The following DNAJC12 variants were observed in gnomAD, a reference collection of about 807,000 sequenced individuals.
DNAJC12 encodes the protein DnaJ heat shock protein family (Hsp40) member C12.
In DNAJC12, 25 loss-of-function variants were observed where a neutral mutation model predicts 28.5. That is an observed-to-expected ratio of 0.88 (90% CI 0.64 to 1.22). The LOEUF (loss-of-function observed/expected upper bound fraction) is 1.22. Among genes scored for constraint, DNAJC12 ranks in the 50% most tolerant of loss-of-function variants. DNAJC12 has a pLI of 0.00. For missense variants in DNAJC12, 222 were observed against 231.7 expected (o/e 0.96, Z 0.27); for synonymous variants, 77 against 80.6 (o/e 0.95, Z 0.24).
intron 4 of DNAJC12, among the ~76,000 whole-genome samples, chr10:67,798,039 C>CAAAAAA (rs759359409): frequency 2.7e-4 from 33 of 124,452 alleles, no homozygotes; most frequent in African/African-American, 3.6e-4. Context: ...GATTCTGTCT[C>CAAAAAA]AGAAAAAAAA....
chr10:67,814,063 A>T (rs1841890007), intron 2 of DNAJC12, among the ~76,000 whole-genome samples: 1 of 152,060 alleles, frequency 6.6e-6, no homozygotes, highest in Non-Finnish European at 1.5e-5. Context: ...CTTGAAAAAA[A>T]TAAGAGCAAA....
intron 1 of DNAJC12, among the ~76,000 whole-genome samples, chr10:67,824,032 T>C (rs1842006141): frequency 6.6e-6 from 1 of 152,026 alleles, no homozygotes; most frequent in Admixed American, 6.6e-5. Flanking sequence ...GGTTAGGAGT[T>C]CGAGGCCAGC....
intron 4 of DNAJC12, among the ~76,000 whole-genome samples, chr10:67,799,107 T>A (rs1360404221): frequency 1.3e-5 from 2 of 152,182 alleles, no homozygotes; most frequent in Non-Finnish European, 2.9e-5. Context: ...CTGTACTTTC[T>A]TATTTTTCTG....
At chr10:67,824,548 C>G (rs1015179362) in intron 1 of DNAJC12, among the ~76,000 whole-genome samples, 4 of 152,004 alleles carry the variant, frequency 2.6e-5, no homozygotes, top group Admixed American at 6.6e-5. Context: ...CCAGCCCAAA[C>G]TAAAATGAGA....
At chr10:67,806,408 C>T (rs1841800925) in intron 3 of DNAJC12, among the ~76,000 whole-genome samples, 1 of 152,178 alleles carries the variant, frequency 6.6e-6, no homozygotes, top group Non-Finnish European at 1.5e-5. Flanking sequence ...AAAGAAGTGT[C>T]ATCCTGAATC....
intron 1 of DNAJC12, among the ~76,000 whole-genome samples, chr10:67,835,956 A>C (rs983152284): frequency 6.6e-6 from 1 of 152,150 alleles, no homozygotes; most frequent in African/African-American, 2.4e-5. Flanking sequence ...TCCAAAATGA[A>C]TCCTCCTTCT....
intron 1 of DNAJC12, among the ~76,000 whole-genome samples, chr10:67,824,707 T>C (rs1188180928): frequency 6.6e-6 from 1 of 151,806 alleles, no homozygotes; most frequent in Admixed American, 6.6e-5. Context: ...TCTGACTGCT[T>C]GGTTTTATTT....
intron 4 of DNAJC12, among the ~76,000 whole-genome samples, chr10:67,798,887 T>C (rs973158090): frequency 2.0e-5 from 3 of 150,058 alleles, no homozygotes; most frequent in East Asian, 2.0e-4. Flanking sequence ...TGCCTCAGCC[T>C]CCCGAGTGCT....
intron 3 of DNAJC12, among the ~76,000 whole-genome samples, chr10:67,810,138 C>G (rs939724509): frequency 1.3e-5 from 2 of 152,016 alleles, no homozygotes; most frequent in African/African-American, 2.4e-5. Context: ...GAAGAAAGGG[C>G]CTTCTTCTCA....
intron 1 of DNAJC12, chr10:67,825,713 A>C (rs1043531943): frequency 6.6e-6 from 1 of 152,304 alleles, no homozygotes; most frequent in Non-Finnish European, 1.5e-5. Flanking sequence ...CACTTTTACA[A>C]TCAAAGTCAG....
intron 4 of DNAJC12, among the ~76,000 whole-genome samples, chr10:67,804,222 TAGCC>T (rs200677354): frequency 0.023 from 3,452 of 152,290 alleles, 138 homozygotes; most frequent in African/African-American, 0.079. Context: ...GCTAGATAGA[TAGCC>T]AGCCAGATAG....
intron 3 of DNAJC12, among the ~76,000 whole-genome samples, chr10:67,809,769 T>A (rs531704254): frequency 3.2e-4 from 49 of 152,266 alleles, no homozygotes; most frequent in African/African-American, 8.2e-4. Context: ...TTCTCCATTA[T>A]AAATGGGAGC....
chr10:67,824,924 G>A (rs1486868876), intron 1 of DNAJC12, among the ~76,000 whole-genome samples: 2 of 151,722 alleles, frequency 1.3e-5, no homozygotes, highest in Admixed American at 1.3e-4. Flanking sequence ...AGTAGAGATG[G>A]GGGTTTCACC....
At chr10:67,832,930 A>G (rs185688711) in intron 1 of DNAJC12, among the ~76,000 whole-genome samples, 2 of 152,336 alleles carry the variant, frequency 1.3e-5, no homozygotes, top group East Asian at 3.9e-4. Context: ...GAAAGGCACA[A>G]CATCACTTCT....
At chr10:67,819,779 G>GGGAAGGAAGGAAGGAA (rs144881348) in intron 2 of DNAJC12, among the ~76,000 whole-genome samples, 421 of 13,266 alleles carry the variant, frequency 0.032, 34 homozygotes, top group Middle Eastern at 0.22. Flanking sequence ...AGGAAGGAAG[G>GGGAAGGAAGGAAGGAA]GGAAGGAAGG....
chr10:67,826,866 T>C (rs1014773692), intron 1 of DNAJC12, among the ~76,000 whole-genome samples: 1 of 138,108 alleles, frequency 7.2e-6, no homozygotes, highest in African/African-American at 2.7e-5. Flanking sequence ...ATATCTATTA[T>C]ATCTATTATA....
At chr10:67,825,873 G>A (rs1432639499) in intron 1 of DNAJC12, among the ~76,000 whole-genome samples, 1 of 152,190 alleles carries the variant, frequency 6.6e-6, no homozygotes, top group East Asian at 1.9e-4. Context: ...CCTGGGTGCT[G>A]TCTTTAACCA....
At chr10:67,814,164 C>G (rs1318800851) in intron 2 of DNAJC12, among the ~76,000 whole-genome samples, 2 of 151,820 alleles carry the variant, frequency 1.3e-5, no homozygotes, top group African/African-American at 4.8e-5. Flanking sequence ...GATAGACATA[C>G]TTATAAATGG....
rs965113155 is a variant in DNAJC12 at position 67,824,577 on chromosome 10, T to C, written c.79-1185A>G. Among the ~76,000 whole-genome samples the C allele has an allele frequency of 2.6e-5, 4 of 152,076 alleles. No homozygotes were observed. In the East Asian group the frequency reaches 7.7e-4, roughly 29 times the overall value. On this transcript the variant is annotated intron_variant, in intron 1 of 4. Coordinates refer to ENST00000225171, the MANE Select transcript of DNAJC12 (RefSeq NM_021800.3). ...AATGAGATGTGAGAGGCATCAATGA[T>C]TTGATTTGATTTCACTTACCCATCT... is the stretch of plus-strand genomic sequence containing the variant.
Sources: gnomAD v4.1 joint callset for allele counts (sites outside exome capture counted in the v4.1 genomes callset) on GRCh38, gnomAD v4.1.1 for gene constraint, MANE v1.5 for transcripts, NCBI Gene and HGNC (gene_info 2026-07-23, HGNC 2026-07-21) for gene names.